Variants in CSMD1 observed in about 807,000 individuals in gnomAD.
CSMD1 encodes CUB and Sushi multiple domains 1.
CSMD1 carries 213 observed loss-of-function variants against 417.5 expected under a neutral mutation model. That is an observed-to-expected ratio of 0.51 (90% CI 0.46 to 0.57). The LOEUF (loss-of-function observed/expected upper bound fraction) is 0.57, where lower values mean the gene tolerates loss of function less well. Among genes scored for constraint, CSMD1 ranks in the 20% least tolerant of loss-of-function variants. The pLI is 0.00. For missense variants in CSMD1, 6,923 were observed against 4,529.7 expected, an observed-to-expected ratio of 1.53 and a Z score of -15.17; for synonymous variants, 2,862 against 1,736.8, an observed-to-expected ratio of 1.65 and a Z score of -16.11.
At chr8:3,729,060 T>C (rs1802662673) in intron 6 of CSMD1, among the ~76,000 whole-genome samples, 1 of 152,186 alleles carries the variant, frequency 6.6e-6, no homozygotes, top group African/African-American at 2.4e-5. Flanking sequence ...AGTCTGGCCG[T>C]AATTCTCCAC....
At chr8:4,489,867 C>A (rs866429860) in intron 2 of CSMD1, among the ~76,000 whole-genome samples, 3 of 152,170 alleles carry the variant, frequency 2.0e-5, no homozygotes, top group African/African-American at 7.2e-5. Flanking sequence ...GGTGCCCAGC[C>A]ATGCCTTGCC....
chr8:3,524,248 G>C (rs1360364033), intron 10 of CSMD1, among the ~76,000 whole-genome samples: 2 of 140,906 alleles, frequency 1.4e-5, no homozygotes, highest in Admixed American at 7.1e-5. Context: ...TACACACCCA[G>C]AGACATACAC....
intron 26 of CSMD1, among the ~76,000 whole-genome samples, chr8:3,251,201 A>T (rs1020246708): frequency 6.6e-6 from 1 of 152,144 alleles, no homozygotes; most frequent in African/African-American, 2.4e-5. Flanking sequence ...TTTTAGGTCT[A>T]ACATTTAAGT....
rs563005520 is a variant in CSMD1, at chr8:4,237,015, C to G, written c.415+182938G>C. Among the ~76,000 whole-genome samples, 3 of 152,306 alleles carry G rather than the reference C, an allele frequency of 2.0e-5. No homozygotes were observed. The South Asian group carries it at 6.2e-4, about 32-fold the overall frequency. On this transcript the variant is annotated intron_variant, in intron 3 of 69. Coordinates refer to ENST00000635120, the MANE Select transcript of CSMD1 (RefSeq NM_033225.6). ...CACACACAAGATCTTAAATCGCGCT[C>G]CATTGCTTCATGGATATATGTGTTG...
At chr8:4,508,716 C>A (rs1802662458) in intron 2 of CSMD1, among the ~76,000 whole-genome samples, 1 of 151,990 alleles carries the variant, frequency 6.6e-6, no homozygotes, top group Admixed American at 6.6e-5. Context: ...TTAGCTGCTT[C>A]AAAGGGGAAT....
chr8:3,084,052 G>C (rs1049305927), intron 49 of CSMD1, among the ~76,000 whole-genome samples: 4 of 152,096 alleles, frequency 2.6e-5, no homozygotes, highest in African/African-American at 7.2e-5. Context: ...CCTTGGGTCA[G>C]TACACACAAC....
chr8:3,828,973 T>G (rs1309669498), intron 5 of CSMD1, among the ~76,000 whole-genome samples: 1 of 152,206 alleles, frequency 6.6e-6, no homozygotes, highest in Admixed American at 6.5e-5. Context: ...ACACAGTTCC[T>G]TAGGGTTTTT....
intron 2 of CSMD1, among the ~76,000 whole-genome samples, chr8:4,612,938 G>C (rs933389541): frequency 7.9e-5 from 12 of 152,172 alleles, no homozygotes; most frequent in African/African-American, 2.9e-4. Context: ...ATTATGGGAA[G>C]AGCTGATGCT....
chr8:3,488,913 G>C (rs952541922), intron 11 of CSMD1, among the ~76,000 whole-genome samples: 2 of 151,722 alleles, frequency 1.3e-5, no homozygotes, highest in Non-Finnish European at 2.9e-5. Context: ...TTCTAATCAT[G>C]TTTTCTGATT....
chr8:4,275,605 T>C (rs138329185), intron 3 of CSMD1, among the ~76,000 whole-genome samples: 65 of 152,300 alleles, frequency 4.3e-4, no homozygotes, highest in African/African-American at 1.5e-3. Context: ...TTGTAATTTT[T>C]AACCTCAGCA....
intron 2 of CSMD1, among the ~76,000 whole-genome samples, chr8:4,617,244 A>C (rs1801522486): frequency 6.6e-6 from 1 of 152,178 alleles, no homozygotes; most frequent in African/African-American, 2.4e-5. Flanking sequence ...AATATAAATA[A>C]AATCTTTAAG....
intron 5 of CSMD1, among the ~76,000 whole-genome samples, chr8:3,917,327 G>A (rs373090348): frequency 3.4e-4 from 51 of 152,072 alleles, no homozygotes; most frequent in African/African-American, 1.2e-3. Context: ...AGGAGTGAAT[G>A]CTAAGTTTTG....
At chr8:3,650,011 G>A (rs1797768363) in intron 7 of CSMD1, among the ~76,000 whole-genome samples, 3 of 152,330 alleles carry the variant, frequency 2.0e-5, no homozygotes, top group African/African-American at 7.2e-5. Context: ...GGGCCTGGTG[G>A]CTCATGCCTG....
chr8:4,870,806 AAG>A (rs1802692049), intron 1 of CSMD1, among the ~76,000 whole-genome samples: 1 of 152,120 alleles, frequency 6.6e-6, no homozygotes, highest in East Asian at 1.9e-4. Context: ...CCGAGGAAGA[AAG>A]AGCGAGGAGT....
At chr8:3,989,676 C>A (rs895303075) in intron 5 of CSMD1, among the ~76,000 whole-genome samples, 1 of 152,112 alleles carries the variant, frequency 6.6e-6, no homozygotes, top group African/African-American at 2.4e-5. Context: ...AGAAACGATA[C>A]TGTGATACTC....
intron 8 of CSMD1, among the ~76,000 whole-genome samples, chr8:3,597,538 C>A (rs1289821070): frequency 6.6e-6 from 1 of 152,102 alleles, no homozygotes; most frequent in Non-Finnish European, 1.5e-5. Context: ...TTTCTCACCA[C>A]AATGCAAGGT....
chr8:4,001,889 C>T (rs1815703124), intron 4 of CSMD1, among the ~76,000 whole-genome samples: 1 of 149,466 alleles, frequency 6.7e-6, no homozygotes, highest in African/African-American at 2.4e-5. Context: ...ATTAAGGTAG[C>T]ACAGAGGAAA....
chr8:3,250,528 T>A (rs1477721720), intron 26 of CSMD1, among the ~76,000 whole-genome samples: 1 of 152,218 alleles, frequency 6.6e-6, no homozygotes, highest in Non-Finnish European at 1.5e-5. Flanking sequence ...TACGTATGAA[T>A]GGGTCTTTAT....
intron 1 of CSMD1, among the ~76,000 whole-genome samples, chr8:4,661,344 G>C (rs979233621): frequency 6.6e-6 from 1 of 152,196 alleles, no homozygotes; most frequent in Non-Finnish European, 1.5e-5. Context: ...CCATATACTG[G>C]ATACATCTTT....
Sources: gnomAD v4.1 joint callset for allele counts (sites outside exome capture counted in the v4.1 genomes callset) on GRCh38, gnomAD v4.1.1 for gene constraint, MANE v1.5 for transcripts, NCBI Gene and HGNC (gene_info 2026-07-23, HGNC 2026-07-21) for gene names.